Variants in MTMR3 observed in about 807,000 individuals in gnomAD.
The protein encoded by MTMR3 is myotubularin related protein 3, also known as phosphatidylinositol-3,5-bisphosphate 3-phosphatase MTMR3.
A neutral mutation model predicts 132.4 loss-of-function variants in MTMR3; 32 were observed. The observed-to-expected ratio is 0.24, with a 90% CI of 0.18 to 0.32. The LOEUF is 0.32. MTMR3 is among the 10% of genes least tolerant of loss of function. The pLI is 1.00. For synonymous variants in MTMR3, 556 were observed against 550.3 expected, an observed-to-expected ratio of 1.01 and a Z score of -0.14; for missense variants, 1,216 against 1,489.6, an observed-to-expected ratio of 0.82 and a Z score of 3.02.
rs1204896656 is a variant in MTMR3 at position 30,020,793 on chromosome 22, T to G, written c.3134T>G (p.Leu1045Trp). ...ESGHQQEVETLKKQVQELKSR... is the reference protein window; with the variant it reads ...ESGHQQEVETWKKQVQELKSR... ...GGCCACCAGCAGGAAGTAGAAACTTTGAAGAAACAAGTCCAGGAGCTGAAG... is the reference window on the plus strand; with the variant it reads ...GGCCACCAGCAGGAAGTAGAAACTTGGAAGAAACAAGTCCAGGAGCTGAAG... The change falls in exon 17 of 20, where the codon TTG (leucine) becomes TGG (tryptophan). Residue 1045 changes from leucine (L) to tryptophan (W), a missense_variant. By Grantham distance (61) the Leu-to-Trp change is moderately conservative. Coordinates refer to ENST00000401950, the MANE Select transcript of MTMR3 (RefSeq NM_021090.4). The G allele has an allele frequency of 3.1e-6, 5 of 1,613,846 alleles. No homozygotes were observed. The highest frequency in any genetic ancestry group is 4.2e-6 in the Non-Finnish European group (5 of 1,179,894).
At chr22:29,940,549 TTGA>T in intron 1 of MTMR3, among the ~76,000 whole-genome samples, 1 of 150,278 alleles carries the variant, frequency 6.7e-6, no homozygotes, top group African/African-American at 2.5e-5. Context: ...GATGAGAAGT[TTGA>T]TGGGAGTTGA....
chr22:29,924,757 A>T (rs1423128235), intron 1 of MTMR3, among the ~76,000 whole-genome samples: 1 of 152,140 alleles, frequency 6.6e-6, no homozygotes, highest in Non-Finnish European at 1.5e-5. Flanking sequence ...TGTAGTTTTC[A>T]GTATAATAGT....
Position 30,025,596 on chromosome 22 carries a change from AAACT to A in MTMR3, c.3426-30_3426-27del, listed in dbSNP as rs1569058132. The stretch of plus-strand genomic sequence containing the variant: ...TTTCCCTCCGCATACCTGCTGGCCA[AAACT>A]AACATTGTTCTGTTTCTTCTCATCT... On this transcript the variant is annotated intron_variant, in intron 19 of 19. Transcript: ENST00000401950. The A allele has an allele frequency of 1.9e-6, 3 of 1,612,586 alleles. No individual in the cohort carries two copies. In the Admixed American group the frequency reaches 5.0e-5, roughly 27 times the overall value.
intron 7 of MTMR3, chr22:29,993,642 T>A (rs1368968346): frequency 6.6e-6 from 1 of 152,218 alleles, no homozygotes; most frequent in Non-Finnish European, 1.5e-5. Context: ...AGTCCTTATC[T>A]TTTTAGGAGA....
In MTMR3 at chr22:30,029,287, A is replaced by G. The variant is rs911585802; in HGVS notation, c.*3486A>G. 1.3e-5 allele frequency: 2 copies of G among 152,308 alleles called. No individual in the cohort carries two copies. The highest frequency in any genetic ancestry group is 2.1e-4 in the South Asian group (1 of 4,832). 9.4% of individuals were successfully genotyped at this position (152,308 alleles called of 1,614,324 possible). On this transcript the variant is annotated 3_prime_UTR_variant, in exon 20 of 20. Transcript: ENST00000401950. ...CTGGCACTCTCGTTACCTTTCTTCT[A>G]TACCTTGGCCTCTGTAACTGCAGTC...
At chr22:29,921,854 CTTTTTTTTTTTT>C (rs1663376037) in intron 1 of MTMR3, among the ~76,000 whole-genome samples, 1 of 118,268 alleles carries the variant, frequency 8.5e-6, no homozygotes, top group Non-Finnish European at 1.8e-5. Flanking sequence ...TTTTTTTTTT[CTTTTTTTTTTTT>C]GAGACAGAGT....
At chr22:29,915,095 T>G (rs1226375414) in intron 1 of MTMR3, among the ~76,000 whole-genome samples, 2 of 152,204 alleles carry the variant, frequency 1.3e-5, no homozygotes, top group Non-Finnish European at 2.9e-5. Flanking sequence ...TTTGTGTCTT[T>G]GAAAAGACAA....
At chr22:29,884,735 G>T (rs1436727538) in intron 1 of MTMR3, among the ~76,000 whole-genome samples, 1 of 151,970 alleles carries the variant, frequency 6.6e-6, no homozygotes, top group Non-Finnish European at 1.5e-5. Flanking sequence ...GCTAATTTTT[G>T]TATTTTTAGT....
chr22:29,960,237 A>AG (rs1214702192), intron 2 of MTMR3, among the ~76,000 whole-genome samples: 2 of 152,292 alleles, frequency 1.3e-5, no homozygotes, highest in East Asian at 1.9e-4. Flanking sequence ...CCTTTACCAA[A>AG]GGGGGGAATA....
chr22:29,970,945 T>TTTCTTCTTCCCCCCCTTCCCCCCCCCCCC, intron 2 of MTMR3, 31 bp from the exon 3 acceptor site: 1 of 756,724 alleles, frequency 1.3e-6, no homozygotes, highest in Non-Finnish European at 2.0e-6. Flanking sequence ...CTTTTTTTTT[T>TTTCTTCTTCCCCCCCTTCCCCCCCCCCCC]CTTCTTCCCC....
chr22:29,912,143 A>G (rs1287527146), intron 1 of MTMR3, among the ~76,000 whole-genome samples: 1 of 152,208 alleles, frequency 6.6e-6, no homozygotes, highest in African/African-American at 2.4e-5. Flanking sequence ...TGTGGATTAA[A>G]TGTTAGACTT....
At chr22:29,968,170 C>T (rs1050044061) in intron 2 of MTMR3, among the ~76,000 whole-genome samples, 6 of 152,258 alleles carry the variant, frequency 3.9e-5, no homozygotes, top group Admixed American at 1.3e-4. Flanking sequence ...CCACACTTTT[C>T]CTCAGAGGTT....
In MTMR3 at chr22:29,956,289, C is replaced by G. The variant is rs142543221; in HGVS notation, c.-137-747C>G. ...TGAGACAGAGTCTCACTTTATTGCC[C>G]AGGCTGGAGTGCAGTGGCGTGATCT... On this transcript the variant is annotated intron_variant, in intron 1 of 19. Coordinates refer to ENST00000401950, the MANE Select transcript of MTMR3 (RefSeq NM_021090.4). Among the ~76,000 whole-genome samples, 461 of 151,908 alleles carry G rather than the reference C, an allele frequency of 3.0e-3. 4 individuals carry two copies. The highest frequency in any genetic ancestry group is 0.016 in the South Asian group (75 of 4,774).
intron 1 of MTMR3, among the ~76,000 whole-genome samples, chr22:29,883,776 C>T (rs2064603731): frequency 6.6e-6 from 1 of 152,174 alleles, no homozygotes; most frequent in Non-Finnish European, 1.5e-5. Flanking sequence ...GGCGGTCCAT[C>T]GTTGCCGGAT....
At chr22:29,958,600 T>C (rs2066246638) in intron 2 of MTMR3, among the ~76,000 whole-genome samples, 1 of 152,190 alleles carries the variant, frequency 6.6e-6, no homozygotes, top group Non-Finnish European at 1.5e-5. Context: ...GCTGGTTCAG[T>C]TATTAAAAGC....
intron 1 of MTMR3, among the ~76,000 whole-genome samples, chr22:29,930,803 C>A (rs911085333): frequency 1.3e-5 from 2 of 152,042 alleles, no homozygotes; most frequent in Non-Finnish European, 2.9e-5. Context: ...GAGTTTGAGA[C>A]CAGCATGGGC....
At chr22:29,941,842 C>A (rs2065862842) in intron 1 of MTMR3, among the ~76,000 whole-genome samples, 1 of 152,102 alleles carries the variant, frequency 6.6e-6, no homozygotes, top group South Asian at 2.1e-4. Context: ...ATTAACCAGA[C>A]ATGGTGGTGA....
intron 1 of MTMR3, among the ~76,000 whole-genome samples, chr22:29,944,470 G>A (rs1328378398): frequency 1.3e-5 from 2 of 151,990 alleles, no homozygotes; most frequent in Non-Finnish European, 2.9e-5. Context: ...TTTTACTTTT[G>A]TCTTTTCTTC....
intron 12 of MTMR3, chr22:30,010,002 T>C (rs1462569938): frequency 2.0e-5 from 3 of 152,200 alleles, no homozygotes; most frequent in African/African-American, 7.2e-5. Flanking sequence ...CAGTAGCAAA[T>C]GATTAAATTC....
Sources: gnomAD v4.1 joint callset for allele counts (sites outside exome capture counted in the v4.1 genomes callset) on GRCh38, gnomAD v4.1.1 for gene constraint, MANE v1.5 for transcripts, NCBI Gene and HGNC (gene_info 2026-07-23, HGNC 2026-07-21) for gene names.